Variants in CFAP69 observed in about 807,000 individuals in gnomAD.
The protein encoded by CFAP69 is cilia- and flagella-associated protein 69.
CFAP69 carries 92 observed loss-of-function variants against 123.0 expected under a neutral mutation model. The ratio of observed to expected loss-of-function variants is 0.75; its 90% CI spans 0.63 to 0.89. The LOEUF is 0.89. CFAP69 is among the 40% of genes least tolerant of loss of function. CFAP69 has a pLI of 0.00. For missense variants in CFAP69, 1,067 were observed against 1,096.9 expected (o/e 0.97, Z 0.39); for synonymous variants, 380 against 364.3 (o/e 1.04, Z -0.49).
downstream of CFAP69, among the ~76,000 whole-genome samples, chr7:90,311,935 A>G (rs557462719): frequency 8.7e-4 from 133 of 152,292 alleles, no homozygotes; most frequent in African/African-American, 2.9e-3. Flanking sequence ...AACCCTAAGC[A>G]TGGGTAGGAG....
chr7:90,310,093 T>G lies in CFAP69; in HGVS notation c.2681T>G (p.Val894Gly), dbSNP rs199768856. 7.6e-5 allele frequency: 122 copies of G among 1,613,012 alleles called. No individual in the cohort carries two copies. In the African/African-American group the frequency reaches 1.5e-3, roughly 20 times the overall value. Residue 894 changes from valine to glycine, a missense_variant, in exon 23 of 23, where the codon GTG becomes GGG. Transcript: ENST00000389297. ...GTGCCCTCTGGTGGAGTAGTAACAG[T>G]GGAAAGCACTCCTGCCCGATTAGTA... The part of the protein sequence containing the change: ...TTVPSGGVVT[V>G]ESTPARLVGG...
chr7:90,256,449 G>A (rs1459206243), intron 2 of CFAP69, among the ~76,000 whole-genome samples: 2 of 151,550 alleles, frequency 1.3e-5, no homozygotes, highest in Admixed American at 6.6e-5. Flanking sequence ...GATGGGTGCA[G>A]CAAACCACAT....
chr7:90,257,813 G>T (rs1397693434), intron 2 of CFAP69, among the ~76,000 whole-genome samples: 1 of 151,998 alleles, frequency 6.6e-6, no homozygotes, highest in African/African-American at 2.4e-5. Context: ...TTGCTATTGT[G>T]AGTAGTGCTG....
Position 90,288,266 on chromosome 7 carries a change from T to A in CFAP69, c.1689T>A (p.Val563=). 1 of 1,611,588 alleles carries A rather than the reference T, an allele frequency of 6.2e-7. No homozygotes were observed. Among genetic ancestry groups the A allele is most frequent in the Non-Finnish European group, 8.5e-7 (1 of 1,178,108 alleles). ...EIFGTEGVDI[V]LHVMKTDPRK... is the part of the protein sequence containing the mutation. ...TCGGAACTGAAGGAGTAGATATCGT[T>A]CTTCATGTGATGAAAACAGACCCCA... Residue 563 remains valine, a synonymous_variant, in exon 15 of 23, where the codon GTT becomes GTA. Coordinates refer to ENST00000389297, the MANE Select transcript of CFAP69 (RefSeq NM_001039706.3).
At chr7:90,250,861 A>C (rs746149130) in intron 1 of CFAP69, among the ~76,000 whole-genome samples, 4 of 152,098 alleles carry the variant, frequency 2.6e-5, no homozygotes, top group Non-Finnish European at 5.9e-5. Context: ...TGGTGAAATC[A>C]TTTATGTAAT....
At chr7:90,262,088 G>A in intron 4 of CFAP69, 32 bp downstream of exon 4, 2 of 1,273,080 alleles carry the variant, frequency 1.6e-6, no homozygotes, top group Non-Finnish European at 2.2e-6. Flanking sequence ...TTATTTTGTA[G>A]TAACATGGAG....
chr7:90,252,678 A>G lies in CFAP69; in HGVS notation c.121-2745A>G, dbSNP rs547964750. 1.2e-4 allele frequency among the ~76,000 whole-genome samples: 18 copies of G among 152,300 alleles called. 1 individual carries two copies. Among genetic ancestry groups the G allele is most frequent in the African/African-American group, 4.3e-4 (18 of 41,570 alleles). On this transcript the variant is annotated intron_variant, in intron 1 of 22. Transcript: ENST00000389297. ...CAGAGTAAGACTCTATGTCAAAAAT[A>G]AATAAAAATAAATATAATTTTGAGT...
rs1790280977 is a variant in CFAP69, at chr7:90,286,396, GAAGGTATGTATGCCTGTGA to G, written c.1656+1_1656+19del. ...GCCTTTGTGAGAATCACATTCAAAG[GAAGGTATGTATGCCTGTGA>G]AAGTTTTGTTCAGGTCTCCCAGTCA... On this transcript the variant is annotated splice_donor_variant and splice_donor_5th_base_variant and coding_sequence_variant and intron_variant, in exon 14 of 23. Coordinates refer to ENST00000389297, the MANE Select transcript of CFAP69 (RefSeq NM_001039706.3). 1 of 1,611,348 alleles carries G rather than the reference GAAGGTATGTATGCCTGTGA, an allele frequency of 6.2e-7. No homozygotes were observed. The highest frequency in any genetic ancestry group is 8.5e-7 in the Non-Finnish European group (1 of 1,179,080).
At chr7:90,253,756 T>C (rs1441164284) in intron 1 of CFAP69, among the ~76,000 whole-genome samples, 1 of 152,124 alleles carries the variant, frequency 6.6e-6, no homozygotes, top group East Asian at 1.9e-4. Context: ...GATGGATAGG[T>C]TGCAAATATT....
intron 17 of CFAP69, chr7:90,300,525 AAAT>A (rs1262198835): frequency 1.5e-6 from 1 of 667,822 alleles, no homozygotes; most frequent in Non-Finnish European, 1.8e-6. Flanking sequence ...ATTGTTTCCT[AAAT>A]AAAAATAGTC....
downstream of CFAP69, among the ~76,000 whole-genome samples, chr7:90,312,114 C>A (rs1451939308): frequency 6.6e-6 from 1 of 152,088 alleles, no homozygotes; most frequent in Non-Finnish European, 1.5e-5. Flanking sequence ...TTAGTATCTC[C>A]GGAAATAAAT....
At chr7:90,297,657 A>G (rs1288711701) in intron 15 of CFAP69, 92 bp from the exon 16 acceptor site, 1 of 771,184 alleles carries the variant, frequency 1.3e-6, no homozygotes, top group East Asian at 3.0e-5. Flanking sequence ...AAGAAAACAT[A>G]TTCTTTGAAA....
At chr7:90,313,997 C>T (rs997918264), downstream of CFAP69, among the ~76,000 whole-genome samples, 1 of 152,158 alleles carries the variant, frequency 6.6e-6, no homozygotes, top group Non-Finnish European at 1.5e-5. Context: ...GAGTATGATA[C>T]TTTACCTCTG....
At position 90,310,190 on chromosome 7, in the gene CFAP69, G is replaced by A; in HGVS notation, c.2778G>A (p.Val926=). ...TTCGAGGAGGAGCCTTGCAGAGGGT[G>A]AAAGCAGTTAAAATTGTGGATGCAC... is the stretch of plus-strand genomic sequence containing the variant. ...LPIRGGALQR[V]KAVKIVDAPK... Residue 926 remains valine (V), a synonymous_variant, in exon 23 of 23, where the codon GTG becomes GTA. Coordinates refer to ENST00000389297, the MANE Select transcript of CFAP69 (RefSeq NM_001039706.3). 1.2e-6 allele frequency: 2 copies of A among 1,613,854 alleles called. No homozygotes were observed. Among genetic ancestry groups the A allele is most frequent in the South Asian group, 1.1e-5 (1 of 91,076 alleles).
chr7:90,323,271 A>G, the CFAP69 span, among the ~76,000 whole-genome samples: 1 of 152,216 alleles, frequency 6.6e-6, no homozygotes, highest in Non-Finnish European at 1.5e-5. Context: ...AATGATGACA[A>G]ACATAATTTT....
intron 17 of CFAP69, chr7:90,300,755 A>G (rs1792685373): frequency 6.3e-6 from 1 of 158,996 alleles, no homozygotes; most frequent in African/African-American, 2.4e-5. Context: ...GGCTCAAGCG[A>G]TTTTCCTGCC....
At chr7:90,268,479 T>C (rs756788449) in intron 6 of CFAP69, 95 bp downstream of exon 6, 2 of 879,872 alleles carry the variant, frequency 2.3e-6, no homozygotes, top group Non-Finnish European at 3.5e-6. Flanking sequence ...AGTGGGCTCA[T>C]AAATGTAACA....
chr7:90,288,105 ATAG>A, intron 14 of CFAP69, 126 bp from the exon 15 acceptor site: 1 of 633,876 alleles, frequency 1.6e-6, no homozygotes. Flanking sequence ...TGCAGTAAAA[ATAG>A]TATTTTTCTA....
intron 12 of CFAP69, among the ~76,000 whole-genome samples, chr7:90,280,794 G>A (rs1789374539): frequency 6.6e-6 from 1 of 152,162 alleles, no homozygotes; most frequent in South Asian, 2.1e-4. Context: ...TTTTCTGGTA[G>A]AAATTTTGCT....
Sources: allele counts gnomAD v4.1 joint callset (sites outside exome capture counted in the v4.1 genomes callset), GRCh38; gene constraint gnomAD v4.1.1; transcripts MANE v1.5; gene names NCBI Gene and HGNC (gene_info 2026-07-23, HGNC 2026-07-21).